The following GALNT10 variants were observed in gnomAD, a reference collection of about 807,000 sequenced individuals.
The protein encoded by GALNT10 is polypeptide N-acetylgalactosaminyltransferase 10.
GALNT10 carries 41 observed loss-of-function variants against 75.0 expected under a neutral mutation model. The observed-to-expected ratio is 0.55, with a 90% CI of 0.43 to 0.71. The LOEUF is 0.71. Ranked by LOEUF, GALNT10 falls within the 30% of genes least tolerant of loss-of-function variation. The pLI is 0.00. For missense variants in GALNT10, 727 were observed against 818.5 expected, an observed-to-expected ratio of 0.89 and a Z score of 1.36; for synonymous variants, 302 against 313.0, an observed-to-expected ratio of 0.96 and a Z score of 0.37.
At chr5:154,191,441 C>G (rs1247307215) in intron 1 of GALNT10, among the ~76,000 whole-genome samples, 2 of 42,198 alleles carry the variant, frequency 4.7e-5, no homozygotes, top group East Asian at 2.4e-4. Context: ...TCCCACCCCC[C>G]CCCCCCCACA....
chr5:154,394,610 C>G (rs1755978643), intron 7 of GALNT10, among the ~76,000 whole-genome samples: 1 of 152,128 alleles, frequency 6.6e-6, no homozygotes, highest in African/African-American at 2.4e-5. Flanking sequence ...AAGAGAGGCC[C>G]GTGTTCCAGG....
chr5:154,344,801 T>C (rs1250399524), intron 4 of GALNT10, among the ~76,000 whole-genome samples: 2 of 152,178 alleles, frequency 1.3e-5, no homozygotes, highest in African/African-American at 4.8e-5. Flanking sequence ...TTTTCAGGAA[T>C]CTTCACCCAA....
chr5:154,277,852 T>C (rs1237570022), intron 1 of GALNT10, among the ~76,000 whole-genome samples: 5 of 152,226 alleles, frequency 3.3e-5, no homozygotes, highest in Non-Finnish European at 7.3e-5. Flanking sequence ...TTCTTCTGGC[T>C]TCTGAGAATT....
intron 1 of GALNT10, among the ~76,000 whole-genome samples, chr5:154,223,740 T>C (rs1242417640): frequency 6.6e-6 from 1 of 151,796 alleles, no homozygotes; most frequent in Non-Finnish European, 1.5e-5. Context: ...GCCAACATGG[T>C]GAAACCTCAT....
chr5:154,204,503 C>T (rs183943155), intron 1 of GALNT10, among the ~76,000 whole-genome samples: 1 of 152,326 alleles, frequency 6.6e-6, no homozygotes, highest in Non-Finnish European at 1.5e-5. Context: ...CACTGAAACA[C>T]AGCACAGACC....
At chr5:154,200,934 A>C (rs1775019380) in intron 1 of GALNT10, among the ~76,000 whole-genome samples, 1 of 152,072 alleles carries the variant, frequency 6.6e-6, no homozygotes, top group Admixed American at 6.5e-5. Flanking sequence ...AACCATGAGA[A>C]TATTTCCTAT....
intron 8 of GALNT10, among the ~76,000 whole-genome samples, chr5:154,405,197 C>T (rs1756248998): frequency 6.6e-6 from 1 of 152,162 alleles, no homozygotes; most frequent in Non-Finnish European, 1.5e-5. Flanking sequence ...CCTCCTCCTC[C>T]ACTTGACAAC....
At chr5:154,265,309 C>T (rs1264687882) in intron 1 of GALNT10, among the ~76,000 whole-genome samples, 1 of 152,098 alleles carries the variant, frequency 6.6e-6, no homozygotes, top group African/African-American at 2.4e-5. Flanking sequence ...AACAGTAGAC[C>T]TGGAAGGGAC....
At chr5:154,410,422 T>C (rs4958736) in intron 9 of GALNT10, among the ~76,000 whole-genome samples, 114,946 of 151,344 alleles carry the variant, frequency 0.76, 44,341 homozygotes, top group African/African-American at 0.9. Flanking sequence ...CGTAATGGTA[T>C]GTGCCTGTAG....
At chr5:154,410,693 T>G (rs1373885381) in intron 9 of GALNT10, among the ~76,000 whole-genome samples, 2 of 152,226 alleles carry the variant, frequency 1.3e-5, no homozygotes, top group Non-Finnish European at 2.9e-5. Flanking sequence ...GTTGCCCTTC[T>G]TAGCACACCC....
intron 4 of GALNT10, among the ~76,000 whole-genome samples, chr5:154,330,203 G>A (rs1217682841): frequency 6.6e-6 from 1 of 152,218 alleles, no homozygotes; most frequent in Non-Finnish European, 1.5e-5. Flanking sequence ...GGAAAAGGGT[G>A]GAGAGCAAAG....
At chr5:154,390,323 C>T (rs941558432) in intron 7 of GALNT10, among the ~76,000 whole-genome samples, 15 of 152,186 alleles carry the variant, frequency 9.9e-5, no homozygotes, top group African/African-American at 3.6e-4. Flanking sequence ...CCCTAGTCCT[C>T]GCCTTTCTCT....
chr5:154,373,852 G>T (rs971030659), intron 4 of GALNT10, among the ~76,000 whole-genome samples: 1 of 152,152 alleles, frequency 6.6e-6, no homozygotes, highest in Non-Finnish European at 1.5e-5. Flanking sequence ...TGTAATGACT[G>T]TGGCCATCTG....
At chr5:154,325,825 T>C (rs912103804) in intron 3 of GALNT10, among the ~76,000 whole-genome samples, 1 of 152,196 alleles carries the variant, frequency 6.6e-6, no homozygotes, top group Non-Finnish European at 1.5e-5. Flanking sequence ...TAAGGATGTG[T>C]GCTCTTGCCT....
chr5:154,217,262 G>A (rs1004438503), intron 1 of GALNT10, among the ~76,000 whole-genome samples: 7 of 152,124 alleles, frequency 4.6e-5, no homozygotes, highest in Non-Finnish European at 1.0e-4. Context: ...CGCTACAGTG[G>A]CTTCCGCCTA....
chr5:154,292,852 GT>G (rs1353317498), intron 1 of GALNT10, among the ~76,000 whole-genome samples: 3 of 152,132 alleles, frequency 2.0e-5, no homozygotes, highest in African/African-American at 7.2e-5. Flanking sequence ...CAGTGCCGGG[GT>G]CCCCTCCTGT....
chr5:154,383,437 G>C, intron 6 of GALNT10, among the ~76,000 whole-genome samples: 1 of 152,208 alleles, frequency 6.6e-6, no homozygotes. Context: ...TAATATTAGA[G>C]CTTTGTGAGA....
intron 1 of GALNT10, among the ~76,000 whole-genome samples, chr5:154,264,810 A>G (rs564319479): frequency 2.0e-5 from 3 of 152,296 alleles, no homozygotes; most frequent in East Asian, 1.9e-4. Context: ...GATGAAATCA[A>G]TTGCATTTCT....
chr5:154,336,579 A>G (rs1561664822), intron 4 of GALNT10, among the ~76,000 whole-genome samples: 2 of 152,204 alleles, frequency 1.3e-5, no homozygotes, highest in Non-Finnish European at 2.9e-5. Flanking sequence ...CTAATGACAT[A>G]TGATATAGAG....
Sources: gnomAD v4.1 joint callset for allele counts (sites outside exome capture counted in the v4.1 genomes callset) on GRCh38, gnomAD v4.1.1 for gene constraint, MANE v1.5 for transcripts, NCBI Gene and HGNC (gene_info 2026-07-23, HGNC 2026-07-21) for gene names.